Variants in ZFHX3 observed in about 807,000 individuals in gnomAD.
The protein encoded by ZFHX3 is zinc finger homeobox 3, also known as zinc finger homeobox protein 3.
ZFHX3 carries 42 observed loss-of-function variants against 279.1 expected under a neutral mutation model. That is an observed-to-expected ratio of 0.15 (90% CI 0.12 to 0.19). ZFHX3 has a LOEUF of 0.19. Among genes scored for constraint, ZFHX3 ranks in the 10% least tolerant of loss-of-function variants. The pLI is 1.00. For missense variants in ZFHX3, 4,981 were observed against 4,754.0 expected (o/e 1.05, Z -1.40); for synonymous variants, 2,293 against 1,957.8 (o/e 1.17, Z -4.52).
intron 7 of ZFHX3, among the ~76,000 whole-genome samples, chr16:73,115,979 G>A (rs9921286): frequency 0.13 from 20,498 of 152,046 alleles, 1,516 homozygotes; most frequent in African/African-American, 0.19. Flanking sequence ...AATTAGCCGG[G>A]CGTGGTGATG....
intron 1 of ZFHX3, among the ~76,000 whole-genome samples, chr16:73,879,497 G>C (rs1343858371): frequency 1.3e-5 from 2 of 152,002 alleles, no homozygotes; most frequent in Non-Finnish European, 2.9e-5. Context: ...GGTTCGCCCT[G>C]TGATTTTTAA....
intron 1 of ZFHX3, among the ~76,000 whole-genome samples, chr16:73,810,331 T>A (rs901982086): frequency 6.6e-5 from 10 of 152,186 alleles, no homozygotes; most frequent in African/African-American, 2.4e-4. Flanking sequence ...AACATTCTCT[T>A]TCAGGGAAGA....
At chr16:72,862,275 T>A (rs1351548392) in intron 4 of ZFHX3, among the ~76,000 whole-genome samples, 1 of 152,122 alleles carries the variant, frequency 6.6e-6, no homozygotes, top group South Asian at 2.1e-4. Flanking sequence ...AGGACACCAA[T>A]TGCACTGGCC....
intron 1 of ZFHX3, among the ~76,000 whole-genome samples, chr16:73,799,327 T>A (rs1960080431): frequency 6.6e-6 from 1 of 152,190 alleles, no homozygotes; most frequent in Admixed American, 6.5e-5. Flanking sequence ...ATGATGTGTA[T>A]CTTATTTAAA....
chr16:73,167,167 C>T (rs1249646042), intron 5 of ZFHX3, among the ~76,000 whole-genome samples: 1 of 152,194 alleles, frequency 6.6e-6, no homozygotes, highest in African/African-American at 2.4e-5. Context: ...GAAAAACTGG[C>T]TTTGTAACTG....
At chr16:73,684,385 G>A (rs184111781) in intron 1 of ZFHX3, among the ~76,000 whole-genome samples, 79 of 151,824 alleles carry the variant, frequency 5.2e-4, no homozygotes, top group Non-Finnish European at 8.0e-4. Context: ...CTTTAGGAGC[G>A]AATTAGACTA....
intron 1 of ZFHX3, among the ~76,000 whole-genome samples, chr16:72,990,339 C>T (rs1348981675): frequency 2.0e-5 from 3 of 152,192 alleles, no homozygotes; most frequent in Admixed American, 6.5e-5. Context: ...CACAGAGTTT[C>T]GAAACTGCTC....
At chr16:73,505,409 TC>T (rs2019309254) in intron 2 of ZFHX3, among the ~76,000 whole-genome samples, 2 of 151,974 alleles carry the variant, frequency 1.3e-5, no homozygotes, top group African/African-American at 4.8e-5. Flanking sequence ...CTGATCTCTT[TC>T]CCCCTACCCC....
chr16:73,103,149 T>C (rs1349167935), intron 7 of ZFHX3, among the ~76,000 whole-genome samples: 2 of 152,170 alleles, frequency 1.3e-5, no homozygotes, highest in Non-Finnish European at 2.9e-5. Flanking sequence ...GGTCTCGAAC[T>C]CCTGACCGCA....
intron 4 of ZFHX3, among the ~76,000 whole-genome samples, chr16:73,257,668 T>A (rs1419651384): frequency 1.3e-5 from 2 of 152,366 alleles, no homozygotes; most frequent in African/African-American, 4.8e-5. Context: ...TTTCGTGAGC[T>A]AAGCAGTTCT....
chr16:72,888,797 G>A (rs1334478927), intron 4 of ZFHX3, among the ~76,000 whole-genome samples: 1 of 152,196 alleles, frequency 6.6e-6, no homozygotes, highest in Non-Finnish European at 1.5e-5. Context: ...GGTGACAGAG[G>A]AAATGGGTTG....
chr16:73,054,745 A>G (rs965868817), intron 1 of ZFHX3, among the ~76,000 whole-genome samples: 44 of 152,082 alleles, frequency 2.9e-4, no homozygotes, highest in African/African-American at 9.2e-4. Flanking sequence ...CTCAGTTTAC[A>G]TTGGTGTAAT....
At chr16:73,354,071 G>T (rs2016294011) in intron 3 of ZFHX3, among the ~76,000 whole-genome samples, 2 of 152,132 alleles carry the variant, frequency 1.3e-5, no homozygotes, top group Admixed American at 1.3e-4. Flanking sequence ...CCAGAGTAGG[G>T]CTGTGGGATT....
intron 2 of ZFHX3, among the ~76,000 whole-genome samples, chr16:73,643,661 G>A (rs1336741226): frequency 6.6e-6 from 1 of 152,168 alleles, no homozygotes; most frequent in Non-Finnish European, 1.5e-5. Context: ...CAATTCCAGT[G>A]TTTCCATTGA....
At chr16:72,857,889 A>C (rs916897377) in intron 4 of ZFHX3, among the ~76,000 whole-genome samples, 1 of 152,152 alleles carries the variant, frequency 6.6e-6, no homozygotes, top group Non-Finnish European at 1.5e-5. Context: ...CCCCACCAAA[A>C]TCCTTCATCT....
chr16:72,957,331 G>A (rs1056058257), intron 2 of ZFHX3, 96 bp downstream of exon 2: 1 of 1,422,464 alleles, frequency 7.0e-7, no homozygotes, highest in Non-Finnish European at 9.4e-7. Context: ...GAGAAGACCA[G>A]AGTCAACTGA....
At chr16:73,580,284 C>T (rs2051846183) in intron 2 of ZFHX3, among the ~76,000 whole-genome samples, 1 of 151,850 alleles carries the variant, frequency 6.6e-6, no homozygotes, top group African/African-American at 2.4e-5. Context: ...TTGAGACCAT[C>T]CTGGCCAACA....
intron 1 of ZFHX3, among the ~76,000 whole-genome samples, chr16:73,801,017 A>C (rs946821995): frequency 6.6e-5 from 10 of 152,190 alleles, no homozygotes; most frequent in Non-Finnish European, 1.5e-4. Context: ...ACCTCCCCGT[A>C]ATGAGCAAAA....
intron 3 of ZFHX3, among the ~76,000 whole-genome samples, chr16:73,358,854 T>C (rs1003837395): frequency 2.0e-5 from 3 of 152,198 alleles, no homozygotes; most frequent in Non-Finnish European, 4.4e-5. Context: ...CTGTGTCCAT[T>C]ATGTGACCTC....
Sources: gnomAD v4.1 joint callset for allele counts (sites outside exome capture counted in the v4.1 genomes callset) on GRCh38, gnomAD v4.1.1 for gene constraint, MANE v1.5 for transcripts, NCBI Gene and HGNC (gene_info 2026-07-23, HGNC 2026-07-21) for gene names.